The following CDH19 variants were observed in gnomAD, a reference collection of about 807,000 sequenced individuals.
CDH19 encodes cadherin-19.
Under a neutral mutation model 64.2 loss-of-function variants are expected in CDH19, and 67 were observed. The ratio of observed to expected loss-of-function variants is 1.04; its 90% CI spans 0.86 to 1.28. The LOEUF (loss-of-function observed/expected upper bound fraction) is 1.28. Among genes scored for constraint, CDH19 ranks in the 50% most tolerant of loss-of-function variants. CDH19 has a pLI of 0.00. For synonymous variants in CDH19, 346 were observed against 319.3 expected (o/e 1.08, Z -0.89); for missense variants, 1,030 against 929.0 (o/e 1.11, Z -1.41).
At chr18:66,553,398 C>T (rs982308024) in intron 4 of CDH19, among the ~76,000 whole-genome samples, 1 of 133,306 alleles carries the variant, frequency 7.5e-6, no homozygotes, top group Non-Finnish European at 1.5e-5. Context: ...AAAATAAAGG[C>T]CATGTACATT....
chr18:66,543,849 CT>C (rs2144486041), intron 7 of CDH19, 121 bp downstream of exon 7: 1 of 719,036 alleles, frequency 1.4e-6, no homozygotes, highest in South Asian at 2.3e-5. Flanking sequence ...CGCCACTGTA[CT>C]CGAGCCTAGA....
chr18:66,564,934 ATATTTGATAGGCTGGC>A (rs1185965253), intron 3 of CDH19, among the ~76,000 whole-genome samples: 1 of 151,506 alleles, frequency 6.6e-6, no homozygotes, highest in African/African-American at 2.4e-5. Context: ...GGAAGATTAC[ATATTTGATAGGCTGGC>A]TATTCAGATA....
At chr18:66,556,041 A>G (rs1462833434) in intron 3 of CDH19, among the ~76,000 whole-genome samples, 1 of 151,790 alleles carries the variant, frequency 6.6e-6, no homozygotes, top group Non-Finnish European at 1.5e-5. Flanking sequence ...CAAGAAGTCC[A>G]GAAAATGCAA....
At chr18:66,538,157 C>T (rs552642701) in intron 7 of CDH19, among the ~76,000 whole-genome samples, 1 of 152,130 alleles carries the variant, frequency 6.6e-6, no homozygotes, top group East Asian at 1.9e-4. Flanking sequence ...TTCTTCTGAA[C>T]AGCTATTTTT....
At chr18:66,515,660 T>C (rs1985705735) in intron 9 of CDH19, among the ~76,000 whole-genome samples, 1 of 151,890 alleles carries the variant, frequency 6.6e-6, no homozygotes, top group Non-Finnish European at 1.5e-5. Flanking sequence ...CATTAACTTG[T>C]AGAAATTGAT....
intron 1 of CDH19, among the ~76,000 whole-genome samples, chr18:66,600,516 T>C (rs1989011744): frequency 6.6e-6 from 1 of 151,882 alleles, no homozygotes; most frequent in South Asian, 2.1e-4. Context: ...TAAACACTGG[T>C]TTAAAAATGC....
intron 9 of CDH19, among the ~76,000 whole-genome samples, chr18:66,515,485 T>G (rs1985696703): frequency 6.6e-6 from 1 of 151,824 alleles, no homozygotes; most frequent in Non-Finnish European, 1.5e-5. Flanking sequence ...GCTTGTTGTC[T>G]TTCTTTGTTT....
chr18:66,600,320 T>C lies in CDH19; in HGVS notation c.-113+3634A>G, dbSNP rs184608453. On this transcript the variant is annotated intron_variant, in intron 1 of 11. Transcript: ENST00000262150. ...TTATTTTTTAAAAATCTGGCAACCC[T>C]AAAGTTCTAATGTTTTGTTTCATAA... Among the ~76,000 whole-genome samples the C allele has an allele frequency of 3.9e-5, 6 of 151,968 alleles. No individual in the cohort carries two copies. The East Asian group carries it at 1.2e-3, about 29-fold the overall frequency.
chr18:66,591,233 G>T (rs1988734719), intron 1 of CDH19, among the ~76,000 whole-genome samples: 4 of 151,674 alleles, frequency 2.6e-5, no homozygotes. Context: ...TTTAATAAAG[G>T]TCCTCATGTC....
chr18:66,538,172 C>T (rs1181420763), intron 7 of CDH19, among the ~76,000 whole-genome samples: 5 of 151,914 alleles, frequency 3.3e-5, no homozygotes, highest in Non-Finnish European at 7.4e-5. Context: ...ATTTTTTTCT[C>T]TAGATTTAGA....
At chr18:66,543,126 C>G (rs963615163) in intron 7 of CDH19, among the ~76,000 whole-genome samples, 1 of 152,056 alleles carries the variant, frequency 6.6e-6, no homozygotes, top group Non-Finnish European at 1.5e-5. Flanking sequence ...CCTGGGTTCA[C>G]GCCATTCTCC....
At chr18:66,522,388 A>G (rs990687299) in intron 9 of CDH19, among the ~76,000 whole-genome samples, 2 of 151,992 alleles carry the variant, frequency 1.3e-5, no homozygotes, top group African/African-American at 4.8e-5. Context: ...GTTTACAAGC[A>G]TTCGCCCATT....
At chr18:66,579,870 G>A (rs768279153) in intron 1 of CDH19, among the ~76,000 whole-genome samples, 3 of 151,792 alleles carry the variant, frequency 2.0e-5, no homozygotes, top group African/African-American at 4.8e-5. Flanking sequence ...ATAAAAACAC[G>A]CCCTATTTTT....
chr18:66,554,354 A>G (rs1568194744), intron 4 of CDH19, 51 bp downstream of exon 4: 2 of 1,595,568 alleles, frequency 1.3e-6, no homozygotes, highest in South Asian at 1.1e-5. Context: ...TTTGCTGACA[A>G]TTGCCTTCTT....
At chr18:66,560,575 C>A (rs1361188966) in intron 3 of CDH19, among the ~76,000 whole-genome samples, 1 of 151,868 alleles carries the variant, frequency 6.6e-6, no homozygotes, top group Non-Finnish European at 1.5e-5. Context: ...AGAATCAGGG[C>A]AAATATATGT....
At chr18:66,524,542 GTATATATATATA>G (rs72219868) in intron 9 of CDH19, among the ~76,000 whole-genome samples, 8 of 94,558 alleles carry the variant, frequency 8.5e-5, no homozygotes, top group East Asian at 3.0e-4. Flanking sequence ...ATGTTTGTGT[GTATATATATATA>G]TATATATATA....
At chr18:66,547,661 G>GTTT (rs71169155) in intron 5 of CDH19, among the ~76,000 whole-genome samples, 855 of 80,152 alleles carry the variant, frequency 0.011, 11 homozygotes, top group Non-Finnish European at 0.011. Context: ...TGTGTGTTAG[G>GTTT]TTTTTTTTTT....
chr18:66,603,698 T>C (rs925903508), intron 1 of CDH19, among the ~76,000 whole-genome samples: 2 of 152,104 alleles, frequency 1.3e-5, no homozygotes, highest in African/African-American at 2.4e-5. Context: ...TAGGTGTAAC[T>C]TCCCCCCAAC....
chr18:66,543,412 C>T (rs1363887894), intron 7 of CDH19, among the ~76,000 whole-genome samples: 2 of 152,088 alleles, frequency 1.3e-5, no homozygotes, highest in Non-Finnish European at 2.9e-5. Context: ...ATCTCCTTTC[C>T]CCAATTAAGA....
Sources: gnomAD v4.1 joint callset for allele counts (sites outside exome capture counted in the v4.1 genomes callset) on GRCh38, gnomAD v4.1.1 for gene constraint, MANE v1.5 for transcripts, NCBI Gene and HGNC (gene_info 2026-07-23, HGNC 2026-07-21) for gene names.